Variants in ACSL4 observed in about 807,000 individuals in gnomAD.
ACSL4 encodes long-chain-fatty-acid--CoA ligase 4.
ACSL4 carries 9 observed loss-of-function variants against 49.1 expected under a neutral mutation model. The observed-to-expected ratio is 0.18, with a 90% CI of 0.11 to 0.32. The LOEUF (loss-of-function observed/expected upper bound fraction) is 0.32. Among genes scored for constraint, ACSL4 ranks in the 10% least tolerant of loss-of-function variants. ACSL4 has a pLI of 1.00. For missense variants in ACSL4, 333 were observed against 493.7 expected, an observed-to-expected ratio of 0.67 and a Z score of 3.08; for synonymous variants, 191 against 170.3, an observed-to-expected ratio of 1.12 and a Z score of -0.95.
chrX:109,725,671 T>G (rs1927928013), intron 1 of ACSL4, among the ~76,000 whole-genome samples: 1 of 109,276 alleles, frequency 9.2e-6, no homozygotes, highest in Non-Finnish European at 1.9e-5. Flanking sequence ...ACCCGGGAGG[T>G]GGAGCTTACA....
chrX:109,678,474 G>T (rs1923911798), intron 6 of ACSL4, 59 bp from the exon 7 acceptor site: 2 of 1,141,068 alleles, frequency 1.8e-6, no homozygotes, highest in Non-Finnish European at 2.4e-6. Flanking sequence ...AATTACTAAA[G>T]AATAATAGGA....
intron 15 of ACSL4, among the ~76,000 whole-genome samples, chrX:109,645,891 C>A (rs1159891992): frequency 8.9e-6 from 1 of 111,937 alleles, no homozygotes; most frequent in African/African-American, 3.2e-5. Flanking sequence ...GCCTCAGGAG[C>A]CGATGCGATC....
At chrX:109,686,657 T>C (rs1326240095) in intron 2 of ACSL4, among the ~76,000 whole-genome samples, 1 of 111,548 alleles carries the variant, frequency 9.0e-6, no homozygotes, top group Non-Finnish European at 1.9e-5. Context: ...TGTATGTTTT[T>C]TAGTTATTGA....
At chrX:109,723,148 T>C (rs1927692072) in intron 1 of ACSL4, among the ~76,000 whole-genome samples, 1 of 111,596 alleles carries the variant, frequency 9.0e-6, no homozygotes, top group Non-Finnish European at 1.9e-5. Flanking sequence ...AGTGTTGTTG[T>C]AGAATGAAGG....
chrX:109,663,462 G>T, intron 12 of ACSL4, 60 bp from the exon 13 acceptor site: 1 of 1,012,520 alleles, frequency 9.9e-7, no homozygotes, highest in Non-Finnish European at 1.4e-6. Context: ...AATTCTTAAA[G>T]CTTATACGTA....
chrX:109,731,788 C>A (rs1928474537), intron 1 of ACSL4, among the ~76,000 whole-genome samples: 1 of 111,806 alleles, frequency 8.9e-6, no homozygotes. Flanking sequence ...ACATGTCTTA[C>A]ACTTTAGCAG....
intron 2 of ACSL4, among the ~76,000 whole-genome samples, chrX:109,691,790 TAAC>T (rs1375724853): frequency 1.8e-5 from 2 of 112,134 alleles, no homozygotes; most frequent in Non-Finnish European, 3.8e-5. Flanking sequence ...ATATTGCAAA[TAAC>T]AAGCAGTCTA....
At chrX:109,718,178 C>T (rs774321145) in intron 1 of ACSL4, among the ~76,000 whole-genome samples, 2 of 112,487 alleles carry the variant, frequency 1.8e-5, no homozygotes, top group South Asian at 7.3e-4. Flanking sequence ...TTAGAAAAGA[C>T]TGGACAAATA....
rs1382216869 is a variant in ACSL4, at chrX:109,668,193, T to C, written c.1223A>G (p.Gln408Arg). 2 of 1,209,008 alleles carry C rather than the reference T, an allele frequency of 1.7e-6. No homozygotes were observed. The highest frequency in any genetic ancestry group is 3.5e-5 in the African/African-American group (2 of 57,159). ...GCAGACATTCATGAATCGGTGTGTC[T>C]GAGGAGATAGCGGGGCCCCTCCAGA... Reference protein sequence around the residue: ...MLSGGAPLSPQTHRFMNVCFC... With the variant: ...MLSGGAPLSPRTHRFMNVCFC... The change falls in exon 11 of 16, where the codon CAG becomes CGG. Residue 408 changes from glutamine to arginine, a missense_variant. This residue lies in a region of ACSL4 where 175 missense variants were observed against 275.8 expected (regional missense o/e 0.63). Coordinates refer to ENST00000672401, the MANE Select transcript of ACSL4 (RefSeq NM_001318510.2).
intron 4 of ACSL4, among the ~76,000 whole-genome samples, chrX:109,682,104 T>C (rs772695764): frequency 8.9e-6 from 1 of 112,340 alleles, no homozygotes; most frequent in Non-Finnish European, 1.9e-5. Flanking sequence ...TTTCATATTA[T>C]CTATTTTTTG....
At chrX:109,723,363 T>TC (rs1215611465) in intron 1 of ACSL4, among the ~76,000 whole-genome samples, 1 of 111,943 alleles carries the variant, frequency 8.9e-6, no homozygotes, top group Non-Finnish European at 1.9e-5. Context: ...CACTCTCTTT[T>TC]CCTCTAGGGA....
chrX:109,669,323 T>C, intron 9 of ACSL4, 150 bp from the exon 10 acceptor site: 1 of 427,696 alleles, frequency 2.3e-6, no homozygotes, highest in Non-Finnish European at 4.0e-6. Context: ...ACTGACTACT[T>C]GTTCACTACT....
At chrX:109,721,491 G>A (rs1339965597) in intron 1 of ACSL4, among the ~76,000 whole-genome samples, 1 of 112,000 alleles carries the variant, frequency 8.9e-6, no homozygotes, top group African/African-American at 3.2e-5. Flanking sequence ...CAGCACTCTG[G>A]GAGACCAAGG....
intron 2 of ACSL4, among the ~76,000 whole-genome samples, chrX:109,688,785 A>G (rs1340116471): frequency 9.2e-6 from 1 of 109,054 alleles, no homozygotes; most frequent in Non-Finnish European, 1.9e-5. Flanking sequence ...CATATTCTTC[A>G]GGTTTTCTTC....
At chrX:109,692,256 A>T (rs1925094262) in intron 2 of ACSL4, 2 of 111,805 alleles carry the variant, frequency 1.8e-5, no homozygotes, top group African/African-American at 3.3e-5. Flanking sequence ...TGTTAAAATG[A>T]GGAGCTCTAG....
intron 1 of ACSL4, among the ~76,000 whole-genome samples, chrX:109,700,663 T>C (rs192025468): frequency 9.0e-5 from 10 of 111,467 alleles, no homozygotes; most frequent in African/African-American, 3.3e-4. Context: ...TAAGTACAAC[T>C]ACCCAAAGTC....
intron 1 of ACSL4, among the ~76,000 whole-genome samples, chrX:109,719,831 T>C (rs1217566877): frequency 9.1e-6 from 1 of 110,355 alleles, no homozygotes; most frequent in Non-Finnish European, 1.9e-5. Flanking sequence ...CTGTCTCTAC[T>C]AAAAATAGAA....
intron 15 of ACSL4, 48 bp from the exon 16 acceptor site, chrX:109,644,234 G>A: frequency 1.8e-6 from 2 of 1,118,779 alleles, no homozygotes; most frequent in Non-Finnish European, 1.2e-6. Context: ...GGGGGAAAGA[G>A]ACGAGAAAGG....
chrX:109,651,375 T>C (rs1295665549), intron 15 of ACSL4, among the ~76,000 whole-genome samples: 1 of 112,180 alleles, frequency 8.9e-6, no homozygotes, highest in Non-Finnish European at 1.9e-5. Flanking sequence ...CCAAAGTTCT[T>C]TTCTAGTACT....
Sources: gnomAD v4.1 joint callset for allele counts (sites outside exome capture counted in the v4.1 genomes callset) on GRCh38, gnomAD v4.1.1 for gene constraint, gnomAD v4.1.1 regional missense constraint, MANE v1.5 for transcripts, NCBI Gene and HGNC (gene_info 2026-07-23, HGNC 2026-07-21) for gene names.